The following TACR1 variants were observed in gnomAD, a reference collection of about 807,000 sequenced individuals.
TACR1 encodes tachykinin receptor 1.
Under a neutral mutation model 35.8 loss-of-function variants are expected in TACR1, and 25 were observed. The observed-to-expected ratio is 0.70, with a 90% CI of 0.51 to 0.98. The LOEUF (loss-of-function observed/expected upper bound fraction) is 0.98. Among genes scored for constraint, TACR1 ranks in the 50% least tolerant of loss-of-function variants. The pLI, the probability that TACR1 is intolerant of heterozygous loss-of-function variation, is 0.00. For missense variants in TACR1, 478 were observed against 522.9 expected (o/e 0.91, Z 0.84); for synonymous variants, 195 against 206.7 (o/e 0.94, Z 0.48).
At chr2:75,130,162 C>G (rs924552506) in intron 1 of TACR1, among the ~76,000 whole-genome samples, 2 of 152,150 alleles carry the variant, frequency 1.3e-5, no homozygotes, top group Non-Finnish European at 2.9e-5. Flanking sequence ...TTGGGGTCCC[C>G]TTAAATTTTG....
At chr2:75,050,543 C>T (rs578101098) in intron 4 of TACR1, among the ~76,000 whole-genome samples, 47 of 152,318 alleles carry the variant, frequency 3.1e-4, no homozygotes, top group African/African-American at 1.1e-3. Context: ...TTTGGGAGCC[C>T]TCTGCACCCC....
intron 1 of TACR1, chr2:75,156,456 A>T (rs1674857680): frequency 7.0e-6 from 1 of 142,874 alleles, no homozygotes; most frequent in Non-Finnish European, 1.5e-5. Context: ...AAAAAAAATT[A>T]GCCGGGCATG....
At chr2:75,148,005 C>G (rs547530824) in intron 1 of TACR1, among the ~76,000 whole-genome samples, 7 of 152,098 alleles carry the variant, frequency 4.6e-5, no homozygotes, top group Admixed American at 4.6e-4. Flanking sequence ...CTCGGCCTCC[C>G]AAAGTGCTGC....
intron 1 of TACR1, among the ~76,000 whole-genome samples, chr2:75,146,330 C>A (rs958483310): frequency 6.6e-6 from 1 of 152,092 alleles, no homozygotes; most frequent in Admixed American, 6.5e-5. Flanking sequence ...ACCATGTTGA[C>A]CAGGCTGGTC....
At chr2:75,127,927 A>G (rs1674105418) in intron 1 of TACR1, among the ~76,000 whole-genome samples, 1 of 152,306 alleles carries the variant, frequency 6.6e-6, no homozygotes, top group African/African-American at 2.4e-5. Context: ...ACCACATTCT[A>G]TTGAATACCC....
intron 2 of TACR1, among the ~76,000 whole-genome samples, chr2:75,069,168 C>T (rs1427455708): frequency 6.6e-6 from 1 of 152,206 alleles, no homozygotes; most frequent in Non-Finnish European, 1.5e-5. Context: ...ACTCCTTTGC[C>T]TTCCGCCATG....
chr2:75,154,509 C>CACACACAG (rs1553381019), intron 1 of TACR1: 9 of 137,416 alleles, frequency 6.5e-5, no homozygotes, highest in African/African-American at 2.8e-4. Flanking sequence ...CACACACACA[C>CACACACAG]ACACACACAC....
Position 75,198,942 on chromosome 2 carries a change from C to T in TACR1, c.-8G>A. 1 of 1,611,964 alleles carries T rather than the reference C, an allele frequency of 6.2e-7. No homozygotes were observed. The highest frequency in any genetic ancestry group is 8.5e-7 in the Non-Finnish European group (1 of 1,179,490). On this transcript the variant is annotated 5_prime_UTR_variant, in exon 1 of 5. Transcript: ENST00000305249. ...CGGGAGGACGTTATCCATTTCGAAGCTAGGCGGTAAAGCCCTACTATCTGT... is the reference window on the plus strand; with the variant it reads ...CGGGAGGACGTTATCCATTTCGAAGTTAGGCGGTAAAGCCCTACTATCTGT...
chr2:75,198,570 G>T lies in TACR1; in HGVS notation c.365C>A (p.Ser122Tyr). The T allele has an allele frequency of 6.2e-7, 1 of 1,614,016 alleles. No individual in the cohort carries two copies. Among genetic ancestry groups the T allele is most frequent in the Non-Finnish European group, 8.5e-7 (1 of 1,179,898 alleles). ...PIAAVFASIY[S>Y]MTAVAFDRYM... is the part of the protein sequence containing the mutation. Reference sequence around the variant, plus strand: ...CCTATCAAAGGCCACAGCCGTCATGGAGTAGATACTGGCGAAGACAGCGGC... The same window carrying T: ...CCTATCAAAGGCCACAGCCGTCATGTAGTAGATACTGGCGAAGACAGCGGC... Residue 122 changes from serine (S) to tyrosine (Y), a missense_variant, in exon 1 of 5, where the codon TCC becomes TAC. By Grantham distance (144) the Ser-to-Tyr change is moderately radical. Coordinates refer to ENST00000305249, the MANE Select transcript of TACR1 (RefSeq NM_001058.4).
rs183161326 is a variant in TACR1 at position 75,099,785 on chromosome 2, C to A, written c.584+20789G>T. On this transcript the variant is annotated intron_variant, in intron 2 of 4. Coordinates refer to ENST00000305249, the MANE Select transcript of TACR1 (RefSeq NM_001058.4). ...TCCTTTTCTATCGACTTCCTCAGGGCTTTTTCTAGACCTTCTTCAGCCAGA... is the reference window on the plus strand; with the variant it reads ...TCCTTTTCTATCGACTTCCTCAGGGATTTTTCTAGACCTTCTTCAGCCAGA... Among the ~76,000 whole-genome samples the A allele has an allele frequency of 8.4e-4, 128 of 152,250 alleles. 1 individual carries two copies. Among genetic ancestry groups the A allele is most frequent in the Non-Finnish European group, 1.2e-4 (8 of 68,002 alleles).
At chr2:75,061,687 G>T (rs1280964862) in intron 2 of TACR1, among the ~76,000 whole-genome samples, 1 of 152,142 alleles carries the variant, frequency 6.6e-6, no homozygotes, top group African/African-American at 2.4e-5. Context: ...TCGTGATGGG[G>T]TGACCAATCA....
intron 2 of TACR1, among the ~76,000 whole-genome samples, chr2:75,071,594 C>G (rs1429547078): frequency 6.6e-6 from 1 of 152,212 alleles, no homozygotes; most frequent in African/African-American, 2.4e-5. Flanking sequence ...TCTTTCTTCT[C>G]CACTCCCTAT....
Position 75,158,375 on chromosome 2 carries a change from G to A in TACR1, c.390-37607C>T, listed in dbSNP as rs868597987. On this transcript the variant is annotated intron_variant, in intron 1 of 4. Transcript: ENST00000305249. ...AAAATGCATATTATGTATTCCCAGT[G>A]TCTGGCTTAATAAGAGGGATTATTA... 2.0e-5 allele frequency among the ~76,000 whole-genome samples: 3 copies of A among 152,286 alleles called. No individual in the cohort carries two copies. In the South Asian group the frequency reaches 6.2e-4, roughly 32 times the overall value.
chr2:75,154,508 ACACACACACACACACACACTCT>A, intron 1 of TACR1: 1 of 142,260 alleles, frequency 7.0e-6, no homozygotes, highest in African/African-American at 2.6e-5. Flanking sequence ...ACACACACAC[ACACACACACACACACACACTCT>A]CTGAAGAAAC....
chr2:75,169,994 G>GT (rs989805409), intron 1 of TACR1, among the ~76,000 whole-genome samples: 1 of 151,546 alleles, frequency 6.6e-6, no homozygotes, highest in Non-Finnish European at 1.5e-5. Flanking sequence ...GATTTCTTTT[G>GT]TTTTTTTCCT....
rs1006378618 is a variant in TACR1 at position 75,046,917 on chromosome 2, G to C, written c.*2515C>G. On this transcript the variant is annotated 3_prime_UTR_variant, in exon 5 of 5. Coordinates refer to ENST00000305249, the MANE Select transcript of TACR1 (RefSeq NM_001058.4). ...CTATTACTACTGGACATTACACCAA[G>C]TAAACACACTTGGATAAACACAGGG... 1.6e-4 allele frequency: 25 copies of C among 152,216 alleles called. No homozygotes were observed. The highest frequency in any genetic ancestry group is 5.8e-4 in the African/African-American group (24 of 41,450). 9.4% of individuals were successfully genotyped at this position (152,216 alleles called of 1,614,324 possible).
At chr2:75,194,880 G>T (rs979842753) in intron 1 of TACR1, among the ~76,000 whole-genome samples, 11 of 152,298 alleles carry the variant, frequency 7.2e-5, no homozygotes, top group African/African-American at 1.7e-4. Flanking sequence ...TATGTGCATG[G>T]TTTCAAATCA....
At position 75,135,185 on chromosome 2, in the gene TACR1, C is replaced by G. The variant is rs28534668; in HGVS notation, c.390-14417G>C. Among the ~76,000 whole-genome samples, 204 of 152,306 alleles carry G rather than the reference C, an allele frequency of 1.3e-3. 1 individual carries two copies. The highest frequency in any genetic ancestry group is 4.5e-3 in the African/African-American group (186 of 41,564). On this transcript the variant is annotated intron_variant, in intron 1 of 4. Transcript: ENST00000305249. The stretch of plus-strand genomic sequence containing the variant: ...TTCCCATGCGGGCCCCAGCACAGGA[C>G]ATATCTCTTTCCCTCTCCCTATTGC...
intron 2 of TACR1, among the ~76,000 whole-genome samples, chr2:75,113,368 T>TACCAA (rs1673787834): frequency 6.6e-6 from 1 of 152,064 alleles, no homozygotes; most frequent in Admixed American, 6.5e-5. Context: ...CACCTCCTAA[T>TACCAA]TAGGGGCTAT....
Sources: gnomAD v4.1 joint callset for allele counts (sites outside exome capture counted in the v4.1 genomes callset) on GRCh38, gnomAD v4.1.1 for gene constraint, MANE v1.5 for transcripts, NCBI Gene and HGNC (gene_info 2026-07-23, HGNC 2026-07-21) for gene names.